The following NEDD4L variants were observed in gnomAD, a reference collection of about 807,000 sequenced individuals.
The protein encoded by NEDD4L is E3 ubiquitin-protein ligase NEDD4-like.
NEDD4L carries 54 observed loss-of-function variants against 148.9 expected under a neutral mutation model. The observed-to-expected ratio is 0.36, with a 90% confidence interval of 0.29 to 0.45. The LOEUF (loss-of-function observed/expected upper bound fraction) is 0.45. NEDD4L is among the 20% of genes least tolerant of loss of function. The pLI, the probability that NEDD4L is intolerant of heterozygous loss-of-function variation, is 1.00. For missense variants in NEDD4L, 856 were observed against 1,233.8 expected, an observed-to-expected ratio of 0.69 and a Z score of 4.59; for synonymous variants, 433 against 440.7, an observed-to-expected ratio of 0.98 and a Z score of 0.22.
In NEDD4L at chr18:58,256,796, A is replaced by G; in HGVS notation, c.297+4742A>G. 3.2e-6 allele frequency: 4 copies of G among 1,231,596 alleles called. No individual in the cohort carries two copies. The highest frequency in any genetic ancestry group is 1.5e-5 in the African/African-American group (1 of 64,538). 76.3% of individuals were successfully genotyped at this position (1,231,596 alleles called of 1,614,324 possible). On this transcript the variant is annotated intron_variant, in intron 5 of 30. Coordinates refer to ENST00000400345, the MANE Select transcript of NEDD4L (RefSeq NM_001144967.3). This position sits in a 1 kb window ranked among gnomAD's most constrained non-coding sequence, Gnocchi z 5.2. Reference sequence around the variant, plus strand: ...CACGGTAAGTTCACAGCGTGTTTACATGTGTTTACTGATTTCAACTTCGAT... The same window carrying G: ...CACGGTAAGTTCACAGCGTGTTTACGTGTGTTTACTGATTTCAACTTCGAT...
At chr18:58,047,180 C>G (rs2144386666) in intron 1 of NEDD4L, 1 of 932,122 alleles carries the variant, frequency 1.1e-6, no homozygotes, top group African/African-American at 1.8e-5. Context: ...TATGGGTACA[C>G]TTAGTTTGCA....
At chr18:58,206,388 C>G (rs932267552) in intron 2 of NEDD4L, among the ~76,000 whole-genome samples, 1 of 152,018 alleles carries the variant, frequency 6.6e-6, no homozygotes, top group African/African-American at 2.4e-5. Context: ...GACTCCATCT[C>G]AAAACAACAA....
chr18:58,213,592 G>A (rs1421375713), intron 2 of NEDD4L, among the ~76,000 whole-genome samples: 1 of 152,170 alleles, frequency 6.6e-6, no homozygotes, highest in Non-Finnish European at 1.5e-5. Context: ...AGGTTAATGT[G>A]GAATGGTGGG....
chr18:58,201,020 G>T (rs1490668495), intron 2 of NEDD4L, among the ~76,000 whole-genome samples: 3 of 152,144 alleles, frequency 2.0e-5, no homozygotes, highest in Non-Finnish European at 2.9e-5. Context: ...CTTGCTCAGT[G>T]TGTGTATGTT....
At chr18:58,118,117 G>T (rs947004923) in intron 1 of NEDD4L, among the ~76,000 whole-genome samples, 1 of 152,224 alleles carries the variant, frequency 6.6e-6, no homozygotes, top group Non-Finnish European at 1.5e-5. Flanking sequence ...CAGAAGTTCG[G>T]CTGGCATTGC....
intron 5 of NEDD4L, among the ~76,000 whole-genome samples, chr18:58,269,910 A>G (rs551165500): frequency 6.6e-6 from 1 of 152,334 alleles, no homozygotes; most frequent in South Asian, 2.1e-4. Context: ...GTTGTAAAAT[A>G]CCTATGCATT....
At chr18:58,060,567 C>T (rs1366829396) in intron 1 of NEDD4L, among the ~76,000 whole-genome samples, 4 of 152,052 alleles carry the variant, frequency 2.6e-5, no homozygotes, top group East Asian at 1.9e-4. Flanking sequence ...AGGCAGATTC[C>T]ATTGGATTTG....
chr18:58,340,286 A>C (rs2042259029), intron 13 of NEDD4L, among the ~76,000 whole-genome samples: 1 of 152,182 alleles, frequency 6.6e-6, no homozygotes, highest in Non-Finnish European at 1.5e-5. Context: ...TTGTGATCAA[A>C]TGTGGACTGT....
In NEDD4L at chr18:58,087,823, G is replaced by C. The variant is rs574401524; in HGVS notation, c.48+43115G>C. Among the ~76,000 whole-genome samples, 6 of 152,320 alleles carry C rather than the reference G, an allele frequency of 3.9e-5. No individual in the cohort carries two copies. In the East Asian group the frequency reaches 1.2e-3, roughly 29 times the overall value. On this transcript the variant is annotated intron_variant, in intron 1 of 30. Coordinates refer to ENST00000400345, the MANE Select transcript of NEDD4L (RefSeq NM_001144967.3). ...TGGGAGGCGGAGGTTACGGTGAGCTGAGATCGCACCATTGCACTCCAGCCT... is the reference window on the plus strand; with the variant it reads ...TGGGAGGCGGAGGTTACGGTGAGCTCAGATCGCACCATTGCACTCCAGCCT...
At chr18:58,113,613 T>C (rs532621546) in intron 1 of NEDD4L, among the ~76,000 whole-genome samples, 6 of 152,222 alleles carry the variant, frequency 3.9e-5, no homozygotes, top group African/African-American at 1.2e-4. Flanking sequence ...AAAGTCTGTA[T>C]TGGAGTGCAG....
chr18:58,162,038 A>T (rs993891859), intron 1 of NEDD4L, among the ~76,000 whole-genome samples: 8 of 152,124 alleles, frequency 5.3e-5, no homozygotes, highest in African/African-American at 1.9e-4. Flanking sequence ...AACTTTTCTT[A>T]AAAAAAGCTT....
chr18:58,179,880 T>C (rs1451593635), intron 2 of NEDD4L, among the ~76,000 whole-genome samples: 1 of 152,154 alleles, frequency 6.6e-6, no homozygotes, highest in Non-Finnish European at 1.5e-5. Context: ...ATAAATGTAA[T>C]GCCCTTGAAT....
chr18:58,335,425 AG>A (rs1281107839), intron 12 of NEDD4L, 52 bp from the exon 13 acceptor site: 6 of 1,470,368 alleles, frequency 4.1e-6, no homozygotes, highest in Non-Finnish European at 5.7e-6. Flanking sequence ...TGATTCAGAC[AG>A]CAGGGGGTCA....
At chr18:58,235,876 A>G (rs1317552059) in intron 2 of NEDD4L, among the ~76,000 whole-genome samples, 2 of 152,060 alleles carry the variant, frequency 1.3e-5, no homozygotes, top group African/African-American at 4.8e-5. Context: ...AATTAAAAGT[A>G]TGTCTTTATA....
At chr18:58,106,098 C>T (rs2085057200) in intron 1 of NEDD4L, among the ~76,000 whole-genome samples, 1 of 152,228 alleles carries the variant, frequency 6.6e-6, no homozygotes, top group South Asian at 2.1e-4. Context: ...AGCAGCTGTT[C>T]TTTCACCTGA....
chr18:58,044,783 G>A, intron 1 of NEDD4L, 75 bp downstream of exon 1: 1 of 1,549,502 alleles, frequency 6.5e-7, no homozygotes, highest in Non-Finnish European at 8.7e-7. Flanking sequence ...AGGGGAAAGG[G>A]GCCGTCCCCG....
At chr18:58,306,981 C>T (rs1004174046) in intron 5 of NEDD4L, among the ~76,000 whole-genome samples, 3 of 152,186 alleles carry the variant, frequency 2.0e-5, no homozygotes, top group Non-Finnish European at 2.9e-5. Flanking sequence ...GATAGATGAG[C>T]TACAGGTTGG....
At chr18:58,387,547 C>T in intron 27 of NEDD4L, 49 bp downstream of exon 27, 3 of 1,432,516 alleles carry the variant, frequency 2.1e-6, no homozygotes, top group Non-Finnish European at 2.8e-6. Context: ...TTTAAAGTAT[C>T]TCTCATTACT....
intron 1 of NEDD4L, among the ~76,000 whole-genome samples, chr18:58,128,215 T>G (rs2031482824): frequency 6.6e-6 from 1 of 152,068 alleles, no homozygotes. Flanking sequence ...CCCGGCTCAT[T>G]TTTGTATTTT....
Sources: allele counts gnomAD v4.1 joint callset (sites outside exome capture counted in the v4.1 genomes callset), GRCh38; gene constraint gnomAD v4.1.1; non-coding constraint Gnocchi (gnomAD v3.1); transcripts MANE v1.5; gene names NCBI Gene and HGNC (gene_info 2026-07-23, HGNC 2026-07-21).